Variants in NOTCH2NLB observed in about 807,000 individuals in gnomAD.
The protein encoded by NOTCH2NLB is notch 2 N-terminal like B.
A neutral mutation model predicts 14.8 loss-of-function variants in NOTCH2NLB; 1 was observed. The ratio of observed to expected loss-of-function variants is 0.07; its 90% CI spans 0.02 to 0.32. The LOEUF is 0.32. NOTCH2NLB is among the 10% of genes least tolerant of loss of function. NOTCH2NLB has a pLI of 1.00. For synonymous variants in NOTCH2NLB, 6 were observed against 57.5 expected, an observed-to-expected ratio of 0.10 and a Z score of 4.05; for missense variants, 11 against 155.0, an observed-to-expected ratio of 0.07 and a Z score of 4.93.
intron 1 of NOTCH2NLB, among the ~76,000 whole-genome samples, chr1:148,674,793 A>C (rs1664816709): frequency 7.1e-6 from 1 of 141,030 alleles, no homozygotes; most frequent in African/African-American, 2.5e-5. Flanking sequence ...GATTCTCTCA[A>C]ATATTTATTC....
downstream of NOTCH2NLB, among the ~76,000 whole-genome samples, chr1:148,605,377 AT>A (rs1274068868): frequency 2.1e-5 from 3 of 143,958 alleles, no homozygotes; most frequent in East Asian, 5.9e-4. Context: ...CACCAAAAAA[AT>A]GTCAGTTTTC....
At chr1:148,679,285 G>T (rs1266533572) in intron 1 of NOTCH2NLB, among the ~76,000 whole-genome samples, 177 bp downstream of exon 1, 1 of 36,692 alleles carries the variant, frequency 2.7e-5, no homozygotes, top group Non-Finnish European at 5.8e-5. Context: ...GGTTGGCGGG[G>T]CACCACGGGA....
chr1:148,649,656 G>A (rs1664451094), intron 1 of NOTCH2NLB, among the ~76,000 whole-genome samples: 1 of 151,714 alleles, frequency 6.6e-6, no homozygotes, highest in African/African-American at 2.4e-5. Flanking sequence ...GACTATAGGT[G>A]CCCGCCACCA....
intron 2 of NOTCH2NLB, among the ~76,000 whole-genome samples, chr1:148,625,661 C>T (rs1663967732): frequency 8.4e-6 from 1 of 119,266 alleles, no homozygotes; most frequent in South Asian, 3.0e-4. Flanking sequence ...GGCCTCTTGG[C>T]CCCCCAATCC....
At chr1:148,608,174 G>A (rs1293135266) in intron 3 of NOTCH2NLB, among the ~76,000 whole-genome samples, 1 of 135,814 alleles carries the variant, frequency 7.4e-6, no homozygotes, top group Non-Finnish European at 1.5e-5. Flanking sequence ...AGATCATGAG[G>A]TAAGGAGTTC....
At chr1:148,673,486 C>CA (rs1316819785) in intron 1 of NOTCH2NLB, among the ~76,000 whole-genome samples, 7 of 86,356 alleles carry the variant, frequency 8.1e-5, no homozygotes, top group Admixed American at 8.0e-4. Context: ...GCACCATTTG[C>CA]AACGGCTGAG....
intron 2 of NOTCH2NLB, among the ~76,000 whole-genome samples, chr1:148,622,268 G>A (rs1394281912): frequency 5.7e-5 from 6 of 105,892 alleles, no homozygotes; most frequent in Non-Finnish European, 9.2e-5. Flanking sequence ...TACTCAGGAG[G>A]CTGAGGCAGG....
intron 2 of NOTCH2NLB, among the ~76,000 whole-genome samples, chr1:148,628,015 C>A (rs1205842901): frequency 1.6e-5 from 2 of 122,378 alleles, no homozygotes; most frequent in Non-Finnish European, 3.3e-5. Context: ...TAGACTACTT[C>A]TTAACCCCCA....
Position 148,673,587 on chromosome 1 carries a change from C to T in NOTCH2NLB, c.3+5875G>A, listed in dbSNP as rs1478268995. On this transcript the variant is annotated intron_variant, in intron 1 of 4. Coordinates refer to ENST00000593495, the Ensembl canonical transcript of NOTCH2NLB. ...ACATTCTAATGGAGGAATAAGGAGGCTTACAACAAAGTCATACAACACAAA... is the reference window on the plus strand; with the variant it reads ...ACATTCTAATGGAGGAATAAGGAGGTTTACAACAAAGTCATACAACACAAA... Among the ~76,000 whole-genome samples the T allele has an allele frequency of 1.1e-4, 13 of 121,478 alleles. No individual in the cohort carries two copies. The East Asian group carries it at 3.6e-3, about 33-fold the overall frequency. The allele number at this position is 121,478 out of a possible 152,430, so 79.7% of individuals were successfully genotyped here. A position where few individuals can be genotyped will look rare whatever the true frequency, so the allele number is the denominator to read the frequency against.
chr1:148,608,897 A>G (rs1293316526), intron 3 of NOTCH2NLB, among the ~76,000 whole-genome samples: 1 of 140,414 alleles, frequency 7.1e-6, no homozygotes, highest in Non-Finnish European at 1.5e-5. Context: ...TACCAGCACT[A>G]GCAGGAAGAC....
the NOTCH2NLB span, among the ~76,000 whole-genome samples, chr1:148,693,097 C>A: frequency 8.7e-5 from 10 of 115,602 alleles, no homozygotes; most frequent in East Asian, 5.2e-4. Flanking sequence ...CGCCCCCCCC[C>A]CCCCACCATC....
intron 1 of NOTCH2NLB, among the ~76,000 whole-genome samples, chr1:148,670,329 C>A: frequency 2.9e-5 from 4 of 137,494 alleles, no homozygotes; most frequent in African/African-American, 5.1e-5. Context: ...CACAATTTAC[C>A]AAAAGAAGTA....
chr1:148,700,715 TG>T, the NOTCH2NLB span, among the ~76,000 whole-genome samples: 1 of 5,518 alleles, frequency 1.8e-4, no homozygotes, highest in South Asian at 9.3e-3. Context: ...CATCTTTTAA[TG>T]GGGTTTTTTT....
intron 1 of NOTCH2NLB, among the ~76,000 whole-genome samples, chr1:148,645,626 C>CCATG (rs1664349907): frequency 6.8e-6 from 1 of 147,000 alleles, no homozygotes; most frequent in East Asian, 1.9e-4. Context: ...TTCCATTCCT[C>CCATG]CATGCATGTC....
intron 2 of NOTCH2NLB, among the ~76,000 whole-genome samples, chr1:148,636,925 A>G (rs1664212496): frequency 6.9e-6 from 1 of 145,796 alleles, no homozygotes; most frequent in Admixed American, 6.7e-5. Flanking sequence ...GCCTCACCAA[A>G]TTTTTTCTTT....
chr1:148,693,231 C>T, the NOTCH2NLB span, among the ~76,000 whole-genome samples: 1 of 152,284 alleles, frequency 6.6e-6, no homozygotes, highest in Non-Finnish European at 1.5e-5. Context: ...CCTCCTCCTT[C>T]TCTAATAAAG....
the NOTCH2NLB span, among the ~76,000 whole-genome samples, chr1:148,687,931 TG>T: frequency 1.4e-5 from 1 of 71,232 alleles, no homozygotes; most frequent in Middle Eastern, 0.012. Context: ...GTCTTGTGCC[TG>T]TGGTCCCAGC....
At chr1:148,674,848 C>T (rs1468630675) in intron 1 of NOTCH2NLB, among the ~76,000 whole-genome samples, 25 of 147,516 alleles carry the variant, frequency 1.7e-4, no homozygotes, top group Non-Finnish European at 1.2e-4. Context: ...GTTCAGGGGA[C>T]TCTCTTGGTT....
At position 148,638,795 on chromosome 1, in the gene NOTCH2NLB, T is replaced by C. The variant is rs1234205630; in HGVS notation, c.77+1221A>G. Among the ~76,000 whole-genome samples, 12 of 148,476 alleles carry C rather than the reference T, an allele frequency of 8.1e-5. 1 individual carries two copies. Among genetic ancestry groups the C allele is most frequent in the African/African-American group, 3.0e-4 (12 of 39,632 alleles). ...CAGAACAGATCTCACTGGAAAAAAG[T>C]TGTAATTACATTCCTGGTAAGAAAT... is the stretch of plus-strand genomic sequence containing the variant. On this transcript the variant is annotated intron_variant, in intron 2 of 4. Coordinates refer to ENST00000593495, the Ensembl canonical transcript of NOTCH2NLB.
Sources: allele counts gnomAD v4.1 joint callset (sites outside exome capture counted in the v4.1 genomes callset), GRCh38; gene constraint gnomAD v4.1.1; transcripts MANE v1.5; gene names NCBI Gene and HGNC (gene_info 2026-07-23, HGNC 2026-07-21).